Variants in LVRN observed in about 807,000 individuals in gnomAD.
LVRN encodes the protein laeverin.
A neutral mutation model predicts 111.4 loss-of-function variants in LVRN; 99 were observed. That is an observed-to-expected ratio of 0.89 (90% CI 0.76 to 1.05). The LOEUF (loss-of-function observed/expected upper bound fraction) is 1.05. Ranked by LOEUF, LVRN falls within the 50% of genes least tolerant of loss-of-function variation. The pLI, the probability that LVRN is intolerant of heterozygous loss-of-function variation, is 0.00. For synonymous variants in LVRN, 488 were observed against 449.5 expected, an observed-to-expected ratio of 1.09 and a Z score of -1.08; for missense variants, 1,414 against 1,206.8, an observed-to-expected ratio of 1.17 and a Z score of -2.54.
At position 115,992,217 on chromosome 5, in the gene LVRN, T is replaced by C. The variant is rs752763978; in HGVS notation, c.1200T>C (p.Asp400=). 3 of 1,613,766 alleles carry C rather than the reference T, an allele frequency of 1.9e-6. No homozygotes were observed. The South Asian group carries it at 3.3e-5, about 18-fold the overall frequency. ...CAGGATTGTTGTTGGAACCAAAAGA[T>C]CAACTGACAGAAAAAAAGACTCTGA... The part of the protein sequence containing the change: ...DESGLLLEPK[D]QLTEKKTLIS... Residue 400 remains aspartate, a synonymous_variant, in exon 5 of 20, where the codon GAT becomes GAC. Coordinates refer to ENST00000357872, the MANE Select transcript of LVRN (RefSeq NM_173800.5).
At position 116,001,059 on chromosome 5, in the gene LVRN, T is replaced by A. The variant is rs986757993; in HGVS notation, c.1648-8T>A. On this transcript the variant is annotated splice_polypyrimidine_tract_variant and splice_region_variant and intron_variant, in intron 9 of 19. Coordinates refer to ENST00000357872, the MANE Select transcript of LVRN (RefSeq NM_173800.5). ...CTTACCTGCCTTTGTGGTGATTTTT[T>A]AAAACAGGCCATAGATGACCAGAGT... 2.5e-6 allele frequency: 4 copies of A among 1,576,444 alleles called. No homozygotes were observed. The highest frequency in any genetic ancestry group is 3.4e-6 in the Non-Finnish European group (4 of 1,167,492).
chr5:115,999,879 T>G lies in LVRN; in HGVS notation c.1492T>G (p.Phe498Val). 6.2e-7 allele frequency: 1 copy of G among 1,611,750 alleles called. No homozygotes were observed. The highest frequency in any genetic ancestry group is 8.5e-7 in the Non-Finnish European group (1 of 1,179,452). Reference protein sequence around the residue: ...NFKTSEIQELFDIFTYSKGAS... With the variant: ...NFKTSEIQELVDIFTYSKGAS... ...CAAAACAAGTGAAATACAGGAACTCTTTGACATATTTACTTACAGCAAGGT... is the reference window on the plus strand; with the variant it reads ...CAAAACAAGTGAAATACAGGAACTCGTTGACATATTTACTTACAGCAAGGT... Residue 498 changes from phenylalanine (F) to valine (V), a missense_variant, in exon 7 of 20, where the codon TTT (phenylalanine) becomes GTT (valine). Transcript: ENST00000357872.
Position 116,015,694 on chromosome 5 carries a change from G to A in LVRN, c.2685G>A (p.Val895=). The A allele has an allele frequency of 6.2e-7, 1 of 1,613,262 alleles. No individual in the cohort carries two copies. The highest frequency in any genetic ancestry group is 8.5e-7 in the Non-Finnish European group (1 of 1,179,544). ...ATGAAACAAATATAATTGAGGTTGT[G>A]GCTTCATCTGAAGTTGGCCGGTATG... ...TSNETNIIEV[V]ASSEVGRYVA... The change falls in exon 18 of 20, where the codon GTG becomes GTA. Residue 895 remains valine (V), a synonymous_variant. Coordinates refer to ENST00000357872, the MANE Select transcript of LVRN (RefSeq NM_173800.5).
Position 116,012,488 on chromosome 5 carries a change from T to C in LVRN, c.2342+20T>C. On this transcript the variant is annotated intron_variant, in intron 15 of 19. Coordinates refer to ENST00000357872, the MANE Select transcript of LVRN (RefSeq NM_173800.5). ...AGCTCTGTAAGTATGTTTTCAGAAGTGATAATTGAATAAAATGCATTCATA... is the reference window on the plus strand; with the variant it reads ...AGCTCTGTAAGTATGTTTTCAGAAGCGATAATTGAATAAAATGCATTCATA... 2 of 1,405,896 alleles carry C rather than the reference T, an allele frequency of 1.4e-6. No homozygotes were observed. Among genetic ancestry groups the C allele is most frequent in the South Asian group, 1.3e-5 (1 of 77,948 alleles). 87.1% of individuals were successfully genotyped at this position (1,405,896 alleles called of 1,614,324 possible). A position where few individuals can be genotyped will look rare whatever the true frequency, so the allele number is the denominator to read the frequency against.
chr5:115,987,873 A>C lies in LVRN; in HGVS notation c.1039A>C (p.Ile347Leu). Residue 347 changes from isoleucine to leucine, a missense_variant, in exon 4 of 20, where the codon ATC becomes CTC. Physicochemically the swap from Ile to Leu is conservative, Grantham distance 5 (BLOSUM62 2). Coordinates refer to ENST00000357872, the MANE Select transcript of LVRN (RefSeq NM_173800.5). ...ANGSADFALNITGPIFSFLED... is the reference protein window; with the variant it reads ...ANGSADFALNLTGPIFSFLED... ...TGGAAGTGCAGACTTTGCTTTGAAC[A>C]TCACAGGTCCCATCTTCTCTTTTCT... The C allele has an allele frequency of 6.2e-7, 1 of 1,613,536 alleles. No individual in the cohort carries two copies. The highest frequency in any genetic ancestry group is 8.5e-7 in the Non-Finnish European group (1 of 1,179,680).
chr5:115,995,899 C>T (rs1453990742), intron 6 of LVRN, among the ~76,000 whole-genome samples: 1 of 152,116 alleles, frequency 6.6e-6, no homozygotes, highest in Non-Finnish European at 1.5e-5. Context: ...AACCACTGTG[C>T]TCTATAGCAA....
rs747264765 is a variant in LVRN, at chr5:116,012,429, G to A, written c.2303G>A (p.Arg768His). The A allele has an allele frequency of 1.7e-5, 26 of 1,546,328 alleles. No individual in the cohort carries two copies. The highest frequency in any genetic ancestry group is 2.3e-5 in the South Asian group (2 of 86,914). Residue 768 changes from arginine (R) to histidine (H), a missense_variant, in exon 15 of 20, where the codon CGT becomes CAT. Transcript: ENST00000357872. ...TGGAATATTTATTCAACTATAATTC[G>A]TGAAAATGTGTTGGCATTACAAGAT... is the stretch of plus-strand genomic sequence containing the variant. ...LIWNIYSTII[R>H]ENVLALQDDY...
chr5:116,019,287 G>T (rs1748664695), intron 18 of LVRN, among the ~76,000 whole-genome samples: 2 of 152,288 alleles, frequency 1.3e-5, no homozygotes, highest in East Asian at 1.9e-4. Flanking sequence ...CATTGCTAGG[G>T]GATAGGAATT....
At position 116,022,398 on chromosome 5, in the gene LVRN, A is replaced by C. The variant is rs1451741259; in HGVS notation, c.2764A>C (p.Thr922Pro). 1 of 1,581,086 alleles carries C rather than the reference A, an allele frequency of 6.3e-7. No homozygotes were observed. Among genetic ancestry groups the C allele is most frequent in the Admixed American group, 1.8e-5 (1 of 56,910 alleles). Residue 922 changes from threonine (T) to proline (P), a missense_variant, in exon 19 of 20, where the codon ACA becomes CCA. Physicochemically the swap from Thr to Pro is conservative, Grantham distance 38. Coordinates refer to ENST00000357872, the MANE Select transcript of LVRN (RefSeq NM_173800.5). ...NWQAVSKRYGTQSLINLIYTI... is the reference protein window; with the variant it reads ...NWQAVSKRYGPQSLINLIYTI... ...CATCTTATTGCCTTGTAGGTATGGA[A>C]CACAATCATTGATTAATCTAATATA...
chr5:116,022,227 C>G (rs1748744958), intron 18 of LVRN, 164 bp from the exon 19 acceptor site: 3 of 553,306 alleles, frequency 5.4e-6, no homozygotes, highest in Non-Finnish European at 9.7e-6. Flanking sequence ...TAATAGGATT[C>G]TCTATTAAAA....
chr5:115,963,300 A>T lies in LVRN; in HGVS notation c.683A>T (p.Gln228Leu), dbSNP rs747475625. The T allele has an allele frequency of 1.8e-5, 29 of 1,608,716 alleles. No individual in the cohort carries two copies. In the Admixed American group the frequency reaches 2.7e-4, roughly 15 times the overall value. Residue 228 changes from glutamine to leucine, a missense_variant, in exon 1 of 20, where the codon CAG becomes CTG. Gln to Leu is a moderately radical substitution (Grantham distance 113). Coordinates refer to ENST00000357872, the MANE Select transcript of LVRN (RefSeq NM_173800.5). Reference sequence around the variant, plus strand: ...CTCTTCCTCAACGTCTACACCGACCAGGGCGAGCGCAGGTAAGGGCTGTAC... The same window carrying T: ...CTCTTCCTCAACGTCTACACCGACCTGGGCGAGCGCAGGTAAGGGCTGTAC... Reference protein sequence around the residue: ...EGLFLNVYTDQGERRALLASQ... With the variant: ...EGLFLNVYTDLGERRALLASQ...
chr5:116,003,032 A>G, intron 11 of LVRN, 121 bp downstream of exon 11: 1 of 998,838 alleles, frequency 1.0e-6, no homozygotes, highest in Non-Finnish European at 1.4e-6. Context: ...TCATTCTTGT[A>G]GAGCATAGAG....
chr5:115,970,980 G>A (rs554713743), intron 1 of LVRN, among the ~76,000 whole-genome samples: 12 of 152,242 alleles, frequency 7.9e-5, no homozygotes, highest in Admixed American at 6.5e-5. Context: ...TTTTATCAAC[G>A]TATGGCAGAA....
chr5:116,010,595 A>G, intron 13 of LVRN, 146 bp from the exon 14 acceptor site: 1 of 840,328 alleles, frequency 1.2e-6, no homozygotes, highest in Non-Finnish European at 1.9e-6. Flanking sequence ...TCCTTTCTAT[A>G]AGATGGGACA....
intron 6 of LVRN, among the ~76,000 whole-genome samples, chr5:115,996,227 C>T (rs1180429467): frequency 6.6e-6 from 1 of 152,176 alleles, no homozygotes; most frequent in Non-Finnish European, 1.5e-5. Flanking sequence ...AGATAGAATA[C>T]ATCATGAGCA....
chr5:115,973,578 T>C (rs1753373605), intron 1 of LVRN, among the ~76,000 whole-genome samples: 1 of 152,234 alleles, frequency 6.6e-6, no homozygotes, highest in South Asian at 2.1e-4. Context: ...CTTAAATTTA[T>C]CTAATAGATA....
intron 1 of LVRN, among the ~76,000 whole-genome samples, chr5:115,982,930 C>T (rs1747743774): frequency 6.6e-6 from 1 of 152,146 alleles, no homozygotes; most frequent in African/African-American, 2.4e-5. Flanking sequence ...ATGGACCATT[C>T]TCAAAGAAGT....
rs564979593 is a variant in LVRN, at chr5:116,014,900, T to C, written c.2451-352T>C. ...CTCTCTCCATCTCTCTCTTAGTTTG[T>C]TGCCTCACTGAGCTCTGAAACTCTC... On this transcript the variant is annotated intron_variant, in intron 16 of 19. Coordinates refer to ENST00000357872, the MANE Select transcript of LVRN (RefSeq NM_173800.5). Among the ~76,000 whole-genome samples the C allele has an allele frequency of 3.3e-5, 5 of 152,300 alleles. No homozygotes were observed. In the East Asian group the frequency reaches 9.7e-4, roughly 29 times the overall value.
intron 10 of LVRN, 28 bp downstream of exon 10, chr5:116,001,267 C>T (rs1748232856): frequency 7.5e-6 from 12 of 1,609,844 alleles, no homozygotes; most frequent in East Asian, 2.2e-5. Flanking sequence ...TCTTTGTCTT[C>T]ACCTTCCTTG....
Sources: gnomAD v4.1 joint callset for allele counts (sites outside exome capture counted in the v4.1 genomes callset) on GRCh38, gnomAD v4.1.1 for gene constraint, MANE v1.5 for transcripts, NCBI Gene and HGNC (gene_info 2026-07-23, HGNC 2026-07-21) for gene names.